SGIP1: variants seen among roughly 807,000 people sequenced by gnomAD.
The protein encoded by SGIP1 is SH3-containing GRB2-like protein 3-interacting protein 1.
In SGIP1, 38 loss-of-function variants were observed where a neutral mutation model predicts 107.5. The observed-to-expected ratio is 0.35, with a 90% CI of 0.27 to 0.46. SGIP1 has a LOEUF of 0.46. Among genes scored for constraint, SGIP1 ranks in the 20% least tolerant of loss-of-function variants. The pLI, the probability that SGIP1 is intolerant of heterozygous loss-of-function variation, is 1.00. For synonymous variants in SGIP1, 365 were observed against 366.1 expected, an observed-to-expected ratio of 1.00 and a Z score of 0.03; for missense variants, 929 against 1,019.5, an observed-to-expected ratio of 0.91 and a Z score of 1.21.
chr1:66,635,647 T>C (rs1202521478), intron 3 of SGIP1, among the ~76,000 whole-genome samples: 1 of 152,214 alleles, frequency 6.6e-6, no homozygotes, highest in Non-Finnish European at 1.5e-5. Flanking sequence ...GTAAATTAAA[T>C]GCTGGCTGTA....
intron 1 of SGIP1, among the ~76,000 whole-genome samples, chr1:66,560,945 C>T (rs768682369): frequency 7.2e-5 from 11 of 152,106 alleles, no homozygotes; most frequent in Admixed American, 1.3e-4. Flanking sequence ...AGAGTAAGCC[C>T]GTTGTAAGTG....
upstream of SGIP1, chr1:66,534,134 C>G (rs895114794): frequency 3.5e-5 from 21 of 597,810 alleles, no homozygotes; most frequent in Non-Finnish European, 6.0e-5. Flanking sequence ...GCTTGCCGTT[C>G]CTCTCCCTTT....
intron 1 of SGIP1, among the ~76,000 whole-genome samples, chr1:66,596,075 C>T (rs1259751413): frequency 6.6e-6 from 1 of 152,206 alleles, no homozygotes; most frequent in Non-Finnish European, 1.5e-5. Context: ...CACAAGTGCA[C>T]ATAAAACAGG....
chr1:66,572,103 C>T (rs963141), intron 1 of SGIP1, among the ~76,000 whole-genome samples: 54,081 of 151,854 alleles, frequency 0.36, 10,759 homozygotes, highest in African/African-American at 0.54. Context: ...ATGATAATCG[C>T]CTGTCAAATG....
At chr1:66,653,131 A>T (rs2149598472) in intron 7 of SGIP1, among the ~76,000 whole-genome samples, 1 of 152,304 alleles carries the variant, frequency 6.6e-6, no homozygotes. Context: ...TAGAGTTAAC[A>T]CATGAGACGC....
chr1:66,741,322 C>G lies in SGIP1; in HGVS notation c.2350C>G (p.Pro784Ala), dbSNP rs767337024. The G allele has an allele frequency of 6.2e-7, 1 of 1,605,946 alleles. No homozygotes were observed. Among genetic ancestry groups the G allele is most frequent in the African/African-American group, 1.3e-5 (1 of 74,596 alleles). Residue 784 changes from proline to alanine, a missense_variant, in exon 24 of 25, where the codon CCT becomes GCT. Coordinates refer to ENST00000371037, the MANE Select transcript of SGIP1 (RefSeq NM_032291.4). ...RFQLSEGPSK[P>A]SPLVVQFTSE... ...TCAGTTATCTGAAGGCCCAAGCAAA[C>G]CTTCTCCATTGGTTGTGCAGTTCAC...
At chr1:66,620,045 G>A (rs932384824) in intron 1 of SGIP1, among the ~76,000 whole-genome samples, 2 of 152,096 alleles carry the variant, frequency 1.3e-5, no homozygotes, top group African/African-American at 4.8e-5. Flanking sequence ...ACATTTAAAA[G>A]TGGCTCAAAT....
intron 8 of SGIP1, chr1:66,666,055 G>T (rs981374393): frequency 2.6e-5 from 4 of 152,340 alleles, no homozygotes; most frequent in African/African-American, 9.6e-5. Flanking sequence ...CCATGCCTCT[G>T]TCCCGAATGG....
At chr1:66,629,713 T>G (rs2149352519) in intron 2 of SGIP1, among the ~76,000 whole-genome samples, 1 of 152,262 alleles carries the variant, frequency 6.6e-6, no homozygotes, top group South Asian at 2.1e-4. Context: ...AAAATTATTT[T>G]AAAATACAAT....
intron 7 of SGIP1, among the ~76,000 whole-genome samples, chr1:66,652,368 A>T (rs969982493): frequency 1.3e-5 from 2 of 152,166 alleles, no homozygotes; most frequent in African/African-American, 2.4e-5. Flanking sequence ...GAGCAAACTC[A>T]CAAGGGCTGA....
At chr1:66,578,139 G>T (rs2061334799) in intron 1 of SGIP1, among the ~76,000 whole-genome samples, 1 of 152,102 alleles carries the variant, frequency 6.6e-6, no homozygotes, top group African/African-American at 2.4e-5. Context: ...ATTGGGGGTA[G>T]AAAATATCCA....
intron 9 of SGIP1, 56 bp from the exon 10 acceptor site, chr1:66,670,939 A>T (rs1419523651): frequency 4.9e-6 from 4 of 815,156 alleles, no homozygotes; most frequent in Non-Finnish European, 7.3e-6. Context: ...AATAATACAT[A>T]TTGTACATAA....
In SGIP1 at chr1:66,743,226, A is replaced by T; in HGVS notation, c.*131A>T. On this transcript the variant is annotated 3_prime_UTR_variant, in exon 25 of 25. Transcript: ENST00000371037. ...GGATATATCAGGTGGAAAGTCAATG[A>T]CTTTCATCTGTGATTTCCCTCACAC... is the stretch of plus-strand genomic sequence containing the variant. 1.2e-6 allele frequency: 1 copy of T among 842,540 alleles called. No homozygotes were observed. The highest frequency in any genetic ancestry group is 1.6e-5 in the South Asian group (1 of 62,288). 52.2% of individuals were successfully genotyped at this position (842,540 alleles called of 1,614,324 possible). A position where few individuals can be genotyped will look rare whatever the true frequency, so the allele number is the denominator to read the frequency against.
At chr1:66,607,159 A>G (rs2067001119) in intron 1 of SGIP1, among the ~76,000 whole-genome samples, 1 of 152,222 alleles carries the variant, frequency 6.6e-6, no homozygotes, top group African/African-American at 2.4e-5. Context: ...TTAATTGCTG[A>G]TGAAACATGC....
At position 66,633,057 on chromosome 1, in the gene SGIP1, CT is replaced by C. The variant is rs557367597; in HGVS notation, c.75-8del. The C allele has an allele frequency of 1.2e-4, 175 of 1,507,388 alleles. No homozygotes were observed. The highest frequency in any genetic ancestry group is 1.6e-4 in the Non-Finnish European group (169 of 1,085,098). The allele number at this position is 1,507,388 out of a possible 1,614,324, so 93.4% of individuals were successfully genotyped here. ...TCCTTATCATAATAGCTATCAATTTCTTTTTGTTACAGAGGTTCACCAGATA... is the reference window on the plus strand; with the variant it reads ...TCCTTATCATAATAGCTATCAATTTCTTTTGTTACAGAGGTTCACCAGATA... On this transcript the variant is annotated splice_polypyrimidine_tract_variant and intron_variant, in intron 2 of 24. Transcript: ENST00000371037.
intron 15 of SGIP1, among the ~76,000 whole-genome samples, chr1:66,686,165 T>G (rs897182889): frequency 7.2e-5 from 11 of 152,342 alleles, no homozygotes; most frequent in African/African-American, 2.6e-4. Flanking sequence ...AGAGCCAGGT[T>G]ATGGTCCCAG....
At position 66,534,170 on chromosome 1, in the gene SGIP1, C is replaced by T. The variant is rs908389714; in HGVS notation, c.-189C>T. The stretch of plus-strand genomic sequence containing the variant: ...CTCTCAGCATCTTCTTGGTAGCCTG[C>T]CTGTAGGTGAAGAAGCACCAGCAGC... On this transcript the variant is annotated 5_prime_UTR_variant, in exon 1 of 25. Transcript: ENST00000371037. 6.4e-6 allele frequency: 4 copies of T among 627,382 alleles called. No homozygotes were observed. The highest frequency in any genetic ancestry group is 2.7e-5 in the Admixed American group (1 of 36,400). 38.9% of individuals were successfully genotyped at this position (627,382 alleles called of 1,614,324 possible). A position where few individuals can be genotyped will look rare whatever the true frequency, so the allele number is the denominator to read the frequency against.
At chr1:66,577,957 G>A (rs988675444) in intron 1 of SGIP1, among the ~76,000 whole-genome samples, 1 of 152,032 alleles carries the variant, frequency 6.6e-6, no homozygotes, top group East Asian at 1.9e-4. Context: ...TAGCACCAAG[G>A]TTGGTTTCTA....
At chr1:66,580,981 C>T (rs1314809141) in intron 1 of SGIP1, among the ~76,000 whole-genome samples, 1 of 152,052 alleles carries the variant, frequency 6.6e-6, no homozygotes, top group Non-Finnish European at 1.5e-5. Context: ...TGGATCTGTG[C>T]ACTCTAACCT....
Sources: allele counts gnomAD v4.1 joint callset (sites outside exome capture counted in the v4.1 genomes callset), GRCh38; gene constraint gnomAD v4.1.1; transcripts MANE v1.5; gene names NCBI Gene and HGNC (gene_info 2026-07-23, HGNC 2026-07-21).